TSPOAP1: variants seen among roughly 807,000 people sequenced by gnomAD.
TSPOAP1 encodes the protein peripheral-type benzodiazepine receptor-associated protein 1.
In TSPOAP1, 87 loss-of-function variants were observed where a neutral mutation model predicts 197.0. That is an observed-to-expected ratio of 0.44 (90% CI 0.37 to 0.53). The LOEUF is 0.53. TSPOAP1 is among the 20% of genes least tolerant of loss of function. The probability of loss-of-function intolerance (pLI) is 0.00; values close to 1 mark genes in which losing one functional copy is unlikely to be tolerated. For synonymous variants in TSPOAP1, 913 were observed against 998.9 expected, an observed-to-expected ratio of 0.91 and a Z score of 1.62; for missense variants, 2,174 against 2,411.3, an observed-to-expected ratio of 0.90 and a Z score of 2.06.
At chr17:58,323,614 G>A in intron 5 of TSPOAP1, 69 bp from the exon 6 acceptor site, 1 of 1,536,902 alleles carries the variant, frequency 6.5e-7, no homozygotes, top group Non-Finnish European at 8.9e-7. Flanking sequence ...CCCCAGCCCA[G>A]CCTGCCCAGA....
At position 58,326,911 on chromosome 17, in the gene TSPOAP1, CTA is replaced by C; in HGVS notation, c.334-123_334-122del. 1 of 829,692 alleles carries C rather than the reference CTA, an allele frequency of 1.2e-6. No individual in the cohort carries two copies. The highest frequency in any genetic ancestry group is 1.6e-5 in the South Asian group (1 of 63,704). 51.4% of individuals were successfully genotyped at this position (829,692 alleles called of 1,614,324 possible). On this transcript the variant is annotated intron_variant, in intron 1 of 31. Transcript: ENST00000343736. This position sits in a 1 kb window ranked among gnomAD's most constrained non-coding sequence, Gnocchi z 4.7. Reference sequence around the variant, plus strand: ...AGACATGGAGATGAAACGGTTTCCCCTATGTCCCAGGCCTTCAGAGAGGAGCA... The same window carrying C: ...AGACATGGAGATGAAACGGTTTCCCCTGTCCCAGGCCTTCAGAGAGGAGCA...
rs59784652 is a variant in TSPOAP1, at chr17:58,315,911, G to A, written c.2098+112C>T. The A allele has an allele frequency of 8.1e-3, 6,656 of 822,000 alleles. 291 individuals carry two copies. The African/African-American group carries it at 0.095, about 12-fold the overall frequency. 50.9% of individuals were successfully genotyped at this position (822,000 alleles called of 1,614,324 possible). On this transcript the variant is annotated intron_variant, in intron 16 of 31. Coordinates refer to ENST00000343736, the MANE Select transcript of TSPOAP1 (RefSeq NM_004758.4). ...AGAGGGGATGGATGGATGGATGGATGGATGGATGGATGGATGGATGAATGG... is the reference window on the plus strand; with the variant it reads ...AGAGGGGATGGATGGATGGATGGATAGATGGATGGATGGATGGATGAATGG...
chr17:58,325,735 C>A, intron 3 of TSPOAP1, 22 bp from the exon 4 acceptor site: 1 of 1,581,546 alleles, frequency 6.3e-7, no homozygotes, highest in Non-Finnish European at 8.6e-7. Flanking sequence ...AGGGGTAAGG[C>A]CAATGGTCAC....
rs1372773004 is a variant in TSPOAP1, at chr17:58,302,390, T to C, written c.*90A>G. The C allele has an allele frequency of 7.0e-6, 9 of 1,287,836 alleles. No individual in the cohort carries two copies. The South Asian group carries it at 1.1e-4, about 16-fold the overall frequency. 79.8% of individuals were successfully genotyped at this position (1,287,836 alleles called of 1,614,324 possible). On this transcript the variant is annotated 3_prime_UTR_variant, in exon 32 of 32. Coordinates refer to ENST00000343736, the MANE Select transcript of TSPOAP1 (RefSeq NM_004758.4). ...TCAATCCTGGGGGCGCTGCCAGAGC[T>C]GGGGGTACAAGGCCCACCTGGGGGC...
chr17:58,325,798 A>T, intron 3 of TSPOAP1, 85 bp from the exon 4 acceptor site: 1 of 1,440,304 alleles, frequency 6.9e-7, no homozygotes. Flanking sequence ...AGGAGGAGTT[A>T]GCATGAAAAC....
rs1036651883 is a variant in TSPOAP1 at position 58,308,919 on chromosome 17, G to A, written c.4353C>T (p.Gly1451=). The change falls in exon 22 of 32, where the codon GGC becomes GGT. Residue 1451 remains glycine (G), a synonymous_variant. Coordinates refer to ENST00000343736, the MANE Select transcript of TSPOAP1 (RefSeq NM_004758.4). The part of the protein sequence containing the change: ...GRLGPTRERG[G]LPVIEGPRTG... Reference sequence around the variant, plus strand: ...TCCTGGGGCCCTCAATTACGGGGAGGCCACCCCTCTCCCGTGTGGGGCCCA... The same window carrying A: ...TCCTGGGGCCCTCAATTACGGGGAGACCACCCCTCTCCCGTGTGGGGCCCA... 1.3e-5 allele frequency: 21 copies of A among 1,596,988 alleles called. No homozygotes were observed. The highest frequency in any genetic ancestry group is 1.8e-5 in the Non-Finnish European group (21 of 1,171,532).
chr17:58,322,532 A>G lies in TSPOAP1; in HGVS notation c.1318-120T>C. On this transcript the variant is annotated intron_variant, in intron 9 of 31. Transcript: ENST00000343736. This position sits in a 1 kb window ranked among gnomAD's most constrained non-coding sequence, Gnocchi z 5.0. ...GATTCCTCTATTACAAAGGAAACTG[A>G]GCCTGGAGCAGCTCCAGGCCCAGGC... 6.5e-7 allele frequency: 1 copy of G among 1,537,378 alleles called. No individual in the cohort carries two copies. Among genetic ancestry groups the G allele is most frequent in the South Asian group, 1.2e-5 (1 of 84,172 alleles).
chr17:58,311,016 G>A lies in TSPOAP1; in HGVS notation c.3279C>T (p.His1093=). 6.3e-7 allele frequency: 1 copy of A among 1,596,728 alleles called. No homozygotes were observed. The highest frequency in any genetic ancestry group is 2.3e-5 in the East Asian group (1 of 44,272). ...LPARVSCPSP[H]PSPEARAPLA... is the part of the protein sequence containing the mutation. The stretch of plus-strand genomic sequence containing the variant: ...GGGGCGCTCTGGCCTCTGGGCTTGG[G>A]TGCGGTGAGGGGCAGGAGACTCGGG... The change falls in exon 19 of 32, where the codon CAC becomes CAT. Residue 1093 remains histidine, a synonymous_variant. Transcript: ENST00000343736.
Position 58,305,455 on chromosome 17 carries a change from C to T in TSPOAP1, c.5365G>A (p.Glu1789Lys). ...ACATCCCCTGCCCGGAAGGGCAGCT[C>T]TGCCTGTGGAAAACAAGAGGAGGGC... ...ESSPNMDVEAELPFRAGDVIT... is the reference protein window; with the variant it reads ...ESSPNMDVEAKLPFRAGDVIT... Residue 1789 changes from glutamate to lysine, a missense_variant, in exon 29 of 32, where the codon GAG (glutamate) becomes AAG (lysine). Transcript: ENST00000343736. The T allele has an allele frequency of 6.2e-7, 1 of 1,613,940 alleles. No individual in the cohort carries two copies. The highest frequency in any genetic ancestry group is 1.1e-5 in the South Asian group (1 of 91,088).
chr17:58,319,951 C>T (rs536049648), intron 12 of TSPOAP1, among the ~76,000 whole-genome samples, 158 bp downstream of exon 12: 3 of 152,210 alleles, frequency 2.0e-5, no homozygotes, highest in African/African-American at 4.8e-5. Flanking sequence ...GACAGCCGCA[C>T]GTGTCCTGTG....
At chr17:58,325,874 C>A in intron 3 of TSPOAP1, 161 bp from the exon 4 acceptor site, 1 of 724,302 alleles carries the variant, frequency 1.4e-6, no homozygotes, top group South Asian at 1.9e-5. Flanking sequence ...CTCACTCTAC[C>A]CCATCCCAGC....
At chr17:58,302,488 C>T in intron 31 of TSPOAP1, 41 bp from the exon 32 acceptor site, 6 of 1,177,960 alleles carry the variant, frequency 5.1e-6, no homozygotes, top group Non-Finnish European at 6.4e-6. Flanking sequence ...GGGCCTGATT[C>T]CCTCCTGACC....
In TSPOAP1 at chr17:58,326,746, C is replaced by G; in HGVS notation, c.378G>C (p.Leu126=). Residue 126 remains leucine, a synonymous_variant, in exon 2 of 32, where the codon CTG becomes CTC. Coordinates refer to ENST00000343736, the MANE Select transcript of TSPOAP1 (RefSeq NM_004758.4). The surrounding 1 kb of genome is among the most constrained non-coding windows in gnomAD (Gnocchi z 4.7). Reference sequence around the variant, plus strand: ...GCCGCAGCTCCCCCAGGGCCCTCAGCAGCTCCAGATTGGGCCTGTCCCCAA... The same window carrying G: ...GCCGCAGCTCCCCCAGGGCCCTCAGGAGCTCCAGATTGGGCCTGTCCCCAA... ...MSFGDRPNLE[L]LRALGELRQR... is the part of the protein sequence containing the mutation. The G allele has an allele frequency of 1.2e-6, 2 of 1,614,126 alleles. No individual in the cohort carries two copies. Among genetic ancestry groups the G allele is most frequent in the Non-Finnish European group, 1.7e-6 (2 of 1,180,020 alleles).
At chr17:58,314,155 C>T (rs1971148819) in intron 16 of TSPOAP1, among the ~76,000 whole-genome samples, 1 of 152,016 alleles carries the variant, frequency 6.6e-6, no homozygotes, top group South Asian at 2.1e-4. Flanking sequence ...TTTCCCCCAA[C>T]AGTCATCTGT....
At chr17:58,319,897 A>T (rs994351489) in intron 12 of TSPOAP1, among the ~76,000 whole-genome samples, 13 of 152,118 alleles carry the variant, frequency 8.5e-5, no homozygotes, top group Admixed American at 3.9e-4. Flanking sequence ...TAGAGAGGGG[A>T]GGCCCAGTGT....
rs79116137 is a variant in TSPOAP1, at chr17:58,307,590, C to G, written c.4983+21G>C. The G allele has an allele frequency of 7.6e-4, 1,224 of 1,610,790 alleles. 2 individuals are homozygous for G. Among genetic ancestry groups the G allele is most frequent in the Admixed American group, 1.8e-3 (110 of 59,690 alleles). On this transcript the variant is annotated intron_variant, in intron 24 of 31. Transcript: ENST00000343736. The stretch of plus-strand genomic sequence containing the variant: ...CCCAGCTGGTGTTTGGAATTCTGAG[C>G]CCTGATGGCGAATCAGTCACCTTCA...
At chr17:58,311,467 G>A in intron 18 of TSPOAP1, 104 bp downstream of exon 18, 1 of 1,468,094 alleles carries the variant, frequency 6.8e-7, no homozygotes, top group Non-Finnish European at 9.1e-7. Context: ...GTACCCAAAT[G>A]CCAGGGGCTG....
intron 17 of TSPOAP1, 27 bp downstream of exon 17, chr17:58,311,865 T>C (rs777618361): frequency 6.6e-6 from 10 of 1,507,962 alleles, no homozygotes; most frequent in Non-Finnish European, 8.9e-6. Context: ...CTGGGTGTTC[T>C]GGACAACAGG....
intron 23 of TSPOAP1, 32 bp downstream of exon 23, chr17:58,307,810 C>A (rs1366339304): frequency 2.5e-6 from 4 of 1,613,534 alleles, no homozygotes; most frequent in Admixed American, 1.7e-5. Context: ...TCTGGCCGAG[C>A]AGCTCTAGCT....
Sources: allele counts gnomAD v4.1 joint callset (sites outside exome capture counted in the v4.1 genomes callset), GRCh38; gene constraint gnomAD v4.1.1; non-coding constraint Gnocchi (gnomAD v3.1); transcripts MANE v1.5; gene names NCBI Gene and HGNC (gene_info 2026-07-23, HGNC 2026-07-21).